Variants in RBFOX3 observed in about 807,000 individuals in gnomAD.
The protein encoded by RBFOX3 is RNA binding fox-1 homolog 3, also known as RNA binding protein fox-1 homolog 3.
A neutral mutation model predicts 48.7 loss-of-function variants in RBFOX3; 17 were observed. The ratio of observed to expected loss-of-function variants is 0.35; its 90% confidence interval spans 0.24 to 0.52. The LOEUF (loss-of-function observed/expected upper bound fraction) is 0.52. Among genes scored for constraint, RBFOX3 ranks in the 20% least tolerant of loss-of-function variants. The probability of loss-of-function intolerance (pLI) is 0.94; values close to 1 mark genes in which losing one functional copy is unlikely to be tolerated. For synonymous variants in RBFOX3, 212 were observed against 209.5 expected, an observed-to-expected ratio of 1.01 and a Z score of -0.10; for missense variants, 382 against 497.5, an observed-to-expected ratio of 0.77 and a Z score of 2.21.
At chr17:79,536,021 C>T (rs559131495) in intron 1 of RBFOX3, among the ~76,000 whole-genome samples, 1 of 152,178 alleles carries the variant, frequency 6.6e-6, no homozygotes, top group South Asian at 2.1e-4. Flanking sequence ...ACTTTCATTC[C>T]TGGCTAGATT....
In RBFOX3 at chr17:79,471,346, C is replaced by T. The variant is rs2090054; in HGVS notation, c.-175+11108G>A. ...GCATTTTGCAAAGAGCGTGCAGGGC[C>T]GGGCAAAATACTAAATAATTCAAAA... On this transcript the variant is annotated intron_variant, in intron 2 of 14. Coordinates refer to ENST00000693108, the MANE Select transcript of RBFOX3 (RefSeq NM_001350451.2). The surrounding 1 kb of genome is among the most constrained non-coding windows in gnomAD (Gnocchi z 4.0). Among the ~76,000 whole-genome samples, 19,898 of 152,146 alleles carry T rather than the reference C, an allele frequency of 0.13. 1,631 individuals are homozygous for T. Among genetic ancestry groups the T allele is most frequent in the Middle Eastern group, 0.21 (63 of 294 alleles).
At chr17:79,124,829 T>C (rs1308507286) in intron 4 of RBFOX3, among the ~76,000 whole-genome samples, 1 of 151,526 alleles carries the variant, frequency 6.6e-6, no homozygotes, top group African/African-American at 2.4e-5. Flanking sequence ...GGGAGAGGAG[T>C]GTGGGTCTGG....
chr17:79,267,727 A>G (rs148295810), intron 3 of RBFOX3, among the ~76,000 whole-genome samples: 202 of 152,242 alleles, frequency 1.3e-3, no homozygotes, highest in African/African-American at 4.6e-3. Flanking sequence ...GCCAGAGCTC[A>G]TGGCCTTGTT....
intron 4 of RBFOX3, among the ~76,000 whole-genome samples, chr17:79,123,165 A>T (rs1043396094): frequency 5.3e-5 from 8 of 152,200 alleles, no homozygotes; most frequent in African/African-American, 1.9e-4. Flanking sequence ...GGGTGACTAT[A>T]GTCAATAATA....
chr17:79,598,212 G>A (rs1157105669), intron 1 of RBFOX3: 5 of 152,264 alleles, frequency 3.3e-5, no homozygotes, highest in Non-Finnish European at 7.3e-5. Context: ...GGGGCCTCAG[G>A]TGCCACTGCC....
intron 3 of RBFOX3, among the ~76,000 whole-genome samples, chr17:79,275,123 C>CTCTCTCT: frequency 7.7e-6 from 1 of 130,660 alleles, no homozygotes; most frequent in East Asian, 2.3e-4. Flanking sequence ...TCCATGTCTC[C>CTCTCTCT]CTCTCTCTCT....
intron 2 of RBFOX3, among the ~76,000 whole-genome samples, chr17:79,439,549 C>T (rs2070369143): frequency 6.6e-6 from 1 of 152,242 alleles, no homozygotes; most frequent in South Asian, 2.1e-4. Flanking sequence ...TTGACATACA[C>T]ACACATTCAC....
intron 1 of RBFOX3, among the ~76,000 whole-genome samples, chr17:79,586,833 C>T (rs1279185091): frequency 4.6e-5 from 7 of 152,174 alleles, no homozygotes; most frequent in Admixed American, 1.3e-4. Flanking sequence ...TGATGGCAGC[C>T]AGGGCATTTG....
chr17:79,482,462 G>A lies in RBFOX3; in HGVS notation c.-183C>T, dbSNP rs2078911051. ...AGGTGGGGCCGCCTTACCTGGTAGT[G>A]GGAGGTGAGGTCTGCTTTGCTGAGC... On this transcript the variant is annotated 5_prime_UTR_variant, in exon 2 of 15. Coordinates refer to ENST00000693108, the MANE Select transcript of RBFOX3 (RefSeq NM_001350451.2). This position sits in a 1 kb window ranked among gnomAD's most constrained non-coding sequence, Gnocchi z 4.1. The A allele has an allele frequency of 1.3e-5, 2 of 152,216 alleles. No individual in the cohort carries two copies. Among genetic ancestry groups the A allele is most frequent in the Admixed American group, 1.3e-4 (2 of 15,282 alleles). The allele number at this position is 152,216 out of a possible 1,614,324, so 9.4% of individuals were successfully genotyped here.
chr17:79,474,527 G>T (rs560917993), intron 2 of RBFOX3, among the ~76,000 whole-genome samples: 15 of 152,198 alleles, frequency 9.9e-5, no homozygotes, highest in Non-Finnish European at 1.9e-4. Context: ...TCTCAGAGGA[G>T]GATGGGCTGT....
At chr17:79,580,721 C>G (rs1804594397) in intron 1 of RBFOX3, among the ~76,000 whole-genome samples, 1 of 152,186 alleles carries the variant, frequency 6.6e-6, no homozygotes, top group African/African-American at 2.4e-5. Context: ...AAAGCAACCT[C>G]TTTCTGGAAC....
chr17:79,499,043 CCCA>C (rs2082023873), intron 1 of RBFOX3, among the ~76,000 whole-genome samples: 1 of 151,338 alleles, frequency 6.6e-6, no homozygotes, highest in Non-Finnish European at 1.5e-5. Context: ...CCCTCATCTA[CCCA>C]TCCATCCATC....
intron 3 of RBFOX3, among the ~76,000 whole-genome samples, chr17:79,303,654 T>G (rs1026202755): frequency 1.3e-5 from 2 of 152,150 alleles, no homozygotes; most frequent in Admixed American, 1.3e-4. Context: ...AGAGAAATGA[T>G]AGTTTACTCC....
chr17:79,357,801 T>TG, intron 2 of RBFOX3, among the ~76,000 whole-genome samples: 1 of 146,326 alleles, frequency 6.8e-6, no homozygotes, highest in East Asian at 2.0e-4. Context: ...ACCTCAAGGG[T>TG]GTTTTTTTTT....
chr17:79,486,910 C>A (rs755231249), intron 1 of RBFOX3, among the ~76,000 whole-genome samples: 2 of 152,228 alleles, frequency 1.3e-5, no homozygotes, highest in African/African-American at 4.8e-5. Context: ...CGAGGCAGCA[C>A]GAGACTGGGG....
intron 3 of RBFOX3, among the ~76,000 whole-genome samples, chr17:79,248,972 G>A (rs936518994): frequency 1.3e-5 from 2 of 152,202 alleles, no homozygotes; most frequent in Admixed American, 6.5e-5. Flanking sequence ...CCTGCCACTC[G>A]CCAAGCCCCC....
the RBFOX3 span, among the ~76,000 whole-genome samples, chr17:79,647,591 C>T: frequency 6.6e-5 from 10 of 152,190 alleles, no homozygotes; most frequent in Non-Finnish European, 1.2e-4. Context: ...CTGCCATCTC[C>T]CCCAGCCCCG....
At chr17:79,607,803 C>G (rs1441087806) in intron 1 of RBFOX3, among the ~76,000 whole-genome samples, 1 of 152,202 alleles carries the variant, frequency 6.6e-6, no homozygotes, top group Admixed American at 6.5e-5. Context: ...GGGAAGATGG[C>G]ATTTTCTCTG....
upstream of RBFOX3, among the ~76,000 whole-genome samples, chr17:79,615,728 T>C (rs1025990628): frequency 6.3e-3 from 953 of 152,232 alleles, 1 homozygote; most frequent in South Asian, 0.021. Context: ...GATCTACTCT[T>C]AGCATCAGGA....
Sources: gnomAD v4.1 joint callset for allele counts (sites outside exome capture counted in the v4.1 genomes callset) on GRCh38, gnomAD v4.1.1 for gene constraint, Gnocchi (gnomAD v3.1) non-coding constraint, MANE v1.5 for transcripts, NCBI Gene and HGNC (gene_info 2026-07-23, HGNC 2026-07-21) for gene names.